The following ASB3 variants were observed in gnomAD, a reference collection of about 807,000 sequenced individuals.
The protein encoded by ASB3 is ankyrin repeat and SOCS box protein 3.
Under a neutral mutation model 54.5 loss-of-function variants are expected in ASB3, and 41 were observed. The observed-to-expected ratio is 0.75, with a 90% confidence interval of 0.59 to 0.98. The LOEUF is 0.98. Ranked by LOEUF, ASB3 falls within the 50% of genes least tolerant of loss-of-function variation. The pLI, the probability that ASB3 is intolerant of heterozygous loss-of-function variation, is 0.00. For synonymous variants in ASB3, 266 were observed against 221.2 expected, an observed-to-expected ratio of 1.20 and a Z score of -1.80; for missense variants, 733 against 620.0, an observed-to-expected ratio of 1.18 and a Z score of -1.94.
At chr2:53,676,083 C>T (rs931943040) in intron 9 of ASB3, among the ~76,000 whole-genome samples, 1 of 152,140 alleles carries the variant, frequency 6.6e-6, no homozygotes, top group Admixed American at 6.5e-5. Flanking sequence ...AAGAAAAGCA[C>T]ATAATTTACC....
intron 2 of ASB3, among the ~76,000 whole-genome samples, chr2:53,754,032 A>G (rs1331836231): frequency 6.6e-6 from 1 of 152,148 alleles, no homozygotes; most frequent in Non-Finnish European, 1.5e-5. Context: ...GGAAACATAC[A>G]AAGAGTCGGA....
chr2:53,765,193 A>G (rs1673368039), intron 2 of ASB3, among the ~76,000 whole-genome samples, 184 bp downstream of exon 2: 1 of 152,250 alleles, frequency 6.6e-6, no homozygotes. Context: ...GTCCAACTAG[A>G]GTATCATACT....
chr2:53,735,716 G>A (rs902285391), intron 3 of ASB3, among the ~76,000 whole-genome samples: 3 of 151,546 alleles, frequency 2.0e-5, no homozygotes, highest in Non-Finnish European at 4.4e-5. Context: ...GTAGAATAAA[G>A]CCAGAGGACT....
intron 2 of ASB3, among the ~76,000 whole-genome samples, chr2:53,754,098 G>A (rs1268075227): frequency 6.6e-6 from 1 of 152,078 alleles, no homozygotes; most frequent in Non-Finnish European, 1.5e-5. Flanking sequence ...ATGGGGGCAT[G>A]CAAAAGAGAC....
At chr2:53,743,739 T>G (rs1057304610) in intron 3 of ASB3, among the ~76,000 whole-genome samples, 1 of 152,226 alleles carries the variant, frequency 6.6e-6, no homozygotes, top group Non-Finnish European at 1.5e-5. Flanking sequence ...AGTTTCATAA[T>G]TGCTTACATT....
At chr2:53,699,835 T>C (rs992227456) in intron 8 of ASB3, among the ~76,000 whole-genome samples, 5 of 152,172 alleles carry the variant, frequency 3.3e-5, no homozygotes, top group Non-Finnish European at 7.4e-5. Flanking sequence ...TAGTCTCAGA[T>C]ACTTCAGAAA....
rs748481548 is a variant in ASB3, at chr2:53,693,944, C to G, written c.1309G>C (p.Ala437Pro). 6.2e-7 allele frequency: 1 copy of G among 1,613,624 alleles called. No individual in the cohort carries two copies. The highest frequency in any genetic ancestry group is 1.7e-5 in the Admixed American group (1 of 59,978). The stretch of plus-strand genomic sequence containing the variant: ...CGAGCAGAGAGCATCCTTTCAACAG[C>G]TGGTGCAAGTGTCTTCCAATTAGTA... ...EFTNWKTLAP[A>P]VERMLSARAS... Residue 437 changes from alanine to proline, a missense_variant, in exon 9 of 10, where the codon GCT becomes CCT. Coordinates refer to ENST00000263634, the MANE Select transcript of ASB3 (RefSeq NM_016115.5).
chr2:53,711,815 G>A, intron 7 of ASB3, among the ~76,000 whole-genome samples: 1 of 151,688 alleles, frequency 6.6e-6, no homozygotes, highest in African/African-American at 2.4e-5. Context: ...GTTTTCATGT[G>A]GGTCACTTCA....
At chr2:53,764,622 G>C (rs1412957979) in intron 2 of ASB3, among the ~76,000 whole-genome samples, 2 of 152,164 alleles carry the variant, frequency 1.3e-5, no homozygotes, top group Admixed American at 1.3e-4. Context: ...TCAGTAGTGT[G>C]CTGGTTAACA....
chr2:53,751,126 C>G (rs2104007458), intron 2 of ASB3, among the ~76,000 whole-genome samples, 185 bp from the exon 3 acceptor site: 1 of 152,230 alleles, frequency 6.6e-6, no homozygotes, highest in East Asian at 1.9e-4. Context: ...CTGTGAACAG[C>G]TCTTTGGTAT....
chr2:53,676,275 C>G (rs1483461688), intron 9 of ASB3, among the ~76,000 whole-genome samples: 1 of 152,176 alleles, frequency 6.6e-6, no homozygotes, highest in Non-Finnish European at 1.5e-5. Context: ...ATTCTGGATT[C>G]AACTCTTCTC....
At chr2:53,699,411 G>A (rs1259699606) in intron 8 of ASB3, among the ~76,000 whole-genome samples, 1 of 152,218 alleles carries the variant, frequency 6.6e-6, no homozygotes, top group Non-Finnish European at 1.5e-5. Context: ...AAAGGAGCAT[G>A]AAGGCTGAAA....
At chr2:53,674,320 CT>C (rs1439689042) in intron 9 of ASB3, among the ~76,000 whole-genome samples, 1 of 152,132 alleles carries the variant, frequency 6.6e-6, no homozygotes, top group Non-Finnish European at 1.5e-5. Context: ...ATATGTTAAA[CT>C]TAGTTTATCC....
At chr2:53,706,980 CTA>C (rs1669809332) in intron 7 of ASB3, among the ~76,000 whole-genome samples, 1 of 152,190 alleles carries the variant, frequency 6.6e-6, no homozygotes, top group Non-Finnish European at 1.5e-5. Context: ...GAAATAAATA[CTA>C]TAAGTAACCT....
intron 2 of ASB3, 71 bp downstream of exon 2, chr2:53,765,306 T>C (rs915200433): frequency 4.4e-6 from 7 of 1,583,838 alleles, no homozygotes; most frequent in Admixed American, 3.4e-5. Flanking sequence ...TAATAAGTTA[T>C]GTATTATACT....
At chr2:53,751,044 A>G (rs1672484130) in intron 2 of ASB3, 103 bp from the exon 3 acceptor site, 3 of 1,299,392 alleles carry the variant, frequency 2.3e-6, no homozygotes, top group Non-Finnish European at 3.0e-6. Flanking sequence ...TTAAAATGTA[A>G]GTAATGTATA....
chr2:53,698,118 A>C (rs1669285830), intron 8 of ASB3, among the ~76,000 whole-genome samples: 1 of 151,962 alleles, frequency 6.6e-6, no homozygotes, highest in Non-Finnish European at 1.5e-5. Context: ...TGTTTTCAAC[A>C]ACCTCTGGAA....
chr2:53,691,855 T>A lies in ASB3; in HGVS notation c.1369+2029A>T, dbSNP rs77270058. ...CTGCAGAAGAGGAAGCACCAAAGAA[T>A]ACCCTGAGAGACCAATGTAAGCAGG... On this transcript the variant is annotated intron_variant, in intron 9 of 9. Coordinates refer to ENST00000263634, the MANE Select transcript of ASB3 (RefSeq NM_016115.5). Among the ~76,000 whole-genome samples, 542 of 152,250 alleles carry A rather than the reference T, an allele frequency of 3.6e-3. 3 individuals carry two copies. Among genetic ancestry groups the A allele is most frequent in the African/African-American group, 0.012 (513 of 41,542 alleles).
At chr2:53,739,573 A>G (rs946908259) in intron 3 of ASB3, among the ~76,000 whole-genome samples, 3 of 152,236 alleles carry the variant, frequency 2.0e-5, no homozygotes, top group African/African-American at 7.2e-5. Flanking sequence ...TTACCATAAC[A>G]ATTCTGTACA....
Sources: allele counts gnomAD v4.1 joint callset (sites outside exome capture counted in the v4.1 genomes callset), GRCh38; gene constraint gnomAD v4.1.1; transcripts MANE v1.5; gene names NCBI Gene and HGNC (gene_info 2026-07-23, HGNC 2026-07-21).